LUZP2: variants seen among roughly 807,000 people sequenced by gnomAD.
LUZP2 encodes leucine zipper protein 2.
In LUZP2, 52 loss-of-function variants were observed where a neutral mutation model predicts 51.6. The ratio of observed to expected loss-of-function variants is 1.01; its 90% CI spans 0.81 to 1.27. The LOEUF (loss-of-function observed/expected upper bound fraction) is 1.27, where lower values mean the gene tolerates loss of function less well. Among genes scored for constraint, LUZP2 ranks in the 50% most tolerant of loss-of-function variants. The pLI is 0.00. For missense variants in LUZP2, 436 were observed against 395.4 expected, an observed-to-expected ratio of 1.10 and a Z score of -0.87; for synonymous variants, 154 against 137.3, an observed-to-expected ratio of 1.12 and a Z score of -0.85.
intron 1 of LUZP2, among the ~76,000 whole-genome samples, chr11:24,568,308 C>T (rs1346970922): frequency 1.5e-5 from 2 of 134,620 alleles, no homozygotes; most frequent in Admixed American, 1.6e-4. Context: ...TGCAGTAAGT[C>T]AAGATTGTGC....
At chr11:25,040,712 C>A (rs940181030) in intron 9 of LUZP2, among the ~76,000 whole-genome samples, 1 of 152,082 alleles carries the variant, frequency 6.6e-6, no homozygotes, top group Admixed American at 6.6e-5. Context: ...CCTTAATGCT[C>A]AATGTGATGA....
chr11:24,693,693 T>C (rs986912132), intron 1 of LUZP2, among the ~76,000 whole-genome samples: 12 of 151,998 alleles, frequency 7.9e-5, no homozygotes, highest in African/African-American at 2.4e-4. Context: ...GCTTAGACTT[T>C]AGTGGAGTAT....
intron 4 of LUZP2, among the ~76,000 whole-genome samples, chr11:24,758,892 G>T (rs993020824): frequency 1.3e-5 from 2 of 151,764 alleles, no homozygotes; most frequent in African/African-American, 4.8e-5. Context: ...ATTGAAAAAA[G>T]ATGATCTTCC....
intron 1 of LUZP2, among the ~76,000 whole-genome samples, chr11:24,616,216 C>G (rs1854280783): frequency 6.6e-6 from 1 of 151,942 alleles, no homozygotes; most frequent in Non-Finnish European, 1.5e-5. Context: ...TGAAAGAGAA[C>G]TTACCATTTT....
Position 25,076,172 on chromosome 11 carries a change from C to G in LUZP2, c.859-1157C>G, listed in dbSNP as rs557393401. On this transcript the variant is annotated intron_variant, in intron 10 of 11. Transcript: ENST00000336930. ...TAGCTGGGACCACAGGCATGTGCCA[C>G]CACACCCAGCTGCTTTTGTTTTTGT... 3.3e-5 allele frequency among the ~76,000 whole-genome samples: 5 copies of G among 152,156 alleles called. No individual in the cohort carries two copies. The South Asian group carries it at 1.0e-3, about 32-fold the overall frequency.
intron 4 of LUZP2, among the ~76,000 whole-genome samples, chr11:24,758,189 C>G (rs528596515): frequency 1.8e-3 from 278 of 152,110 alleles, no homozygotes; most frequent in African/African-American, 6.4e-3. Context: ...AAATACACAT[C>G]ATGATCAATG....
rs1391126616 is a variant in LUZP2, at chr11:25,065,993, C to T, written c.859-11336C>T. On this transcript the variant is annotated intron_variant, in intron 10 of 11. Coordinates refer to ENST00000336930, the MANE Select transcript of LUZP2 (RefSeq NM_001009909.4). Reference sequence around the variant, plus strand: ...GCCTCTGCACTTATCATGCTTAGCACACAAATAGTAAGAGGAACAACAATG... The same window carrying T: ...GCCTCTGCACTTATCATGCTTAGCATACAAATAGTAAGAGGAACAACAATG... Among the ~76,000 whole-genome samples, 4 of 151,972 alleles carry T rather than the reference C, an allele frequency of 2.6e-5. 1 individual carries two copies. Among genetic ancestry groups the T allele is most frequent in the Admixed American group, 2.6e-4 (4 of 15,208 alleles).
At chr11:25,022,990 G>A (rs753122191) in intron 9 of LUZP2, among the ~76,000 whole-genome samples, 4 of 152,116 alleles carry the variant, frequency 2.6e-5, no homozygotes, top group Non-Finnish European at 5.9e-5. Context: ...TGCATCCCAG[G>A]GATGAAGCCC....
At chr11:24,568,707 T>C (rs979900175) in intron 1 of LUZP2, among the ~76,000 whole-genome samples, 1 of 152,030 alleles carries the variant, frequency 6.6e-6, no homozygotes, top group African/African-American at 2.4e-5. Flanking sequence ...TCTAAGTTAT[T>C]ATGCAAATGT....
chr11:24,896,407 T>C (rs1459341152), intron 5 of LUZP2, among the ~76,000 whole-genome samples: 5 of 152,064 alleles, frequency 3.3e-5, no homozygotes, highest in African/African-American at 1.2e-4. Context: ...CGATGCCAGC[T>C]CCAGGCAGTG....
intron 5 of LUZP2, among the ~76,000 whole-genome samples, chr11:24,840,864 A>G (rs1016375303): frequency 6.6e-6 from 1 of 152,008 alleles, no homozygotes; most frequent in African/African-American, 2.4e-5. Context: ...CCACAAATTT[A>G]CCATCCAAAA....
chr11:24,844,170 T>C (rs1004268530), intron 5 of LUZP2, among the ~76,000 whole-genome samples: 3 of 152,184 alleles, frequency 2.0e-5, no homozygotes, highest in Non-Finnish European at 4.4e-5. Context: ...ACTTGTTGAA[T>C]GGTTTTGCCC....
intron 5 of LUZP2, among the ~76,000 whole-genome samples, chr11:24,797,986 G>A: frequency 6.6e-6 from 1 of 152,068 alleles, no homozygotes; most frequent in East Asian, 1.9e-4. Context: ...CAAAGTAAAA[G>A]GAGCTGAGAA....
chr11:25,012,595 T>A lies in LUZP2; in HGVS notation c.765+29302T>A, dbSNP rs192855544. The stretch of plus-strand genomic sequence containing the variant: ...CATGCCCTTAGTCTTATTAAGCTTT[T>A]ATTTCCACTGCATTATGAAAAAAAT... On this transcript the variant is annotated intron_variant, in intron 9 of 11. Transcript: ENST00000336930. Among the ~76,000 whole-genome samples, 343 of 152,302 alleles carry A rather than the reference T, an allele frequency of 2.3e-3. 1 individual carries two copies. Among genetic ancestry groups the A allele is most frequent in the African/African-American group, 7.9e-3 (330 of 41,572 alleles).
At chr11:24,979,468 G>C (rs1292429104) in intron 8 of LUZP2, among the ~76,000 whole-genome samples, 1 of 151,728 alleles carries the variant, frequency 6.6e-6, no homozygotes, top group Non-Finnish European at 1.5e-5. Context: ...AATACTATTT[G>C]AGTATTTAGT....
At chr11:24,580,489 A>G (rs1357039975) in intron 1 of LUZP2, among the ~76,000 whole-genome samples, 3 of 152,158 alleles carry the variant, frequency 2.0e-5, no homozygotes, top group Non-Finnish European at 4.4e-5. Context: ...AGCACCTAGC[A>G]TAGCGTCAAC....
At position 24,706,767 on chromosome 11, in the gene LUZP2, A is replaced by G. The variant is rs965832817; in HGVS notation, c.63-22402A>G. On this transcript the variant is annotated intron_variant, in intron 1 of 11. Transcript: ENST00000336930. The stretch of plus-strand genomic sequence containing the variant: ...ATGTTCCAAGTTTCTTTTCATTAAT[A>G]TCTGGTTTTTCACCATTTGCTGAGT... Among the ~76,000 whole-genome samples the G allele has an allele frequency of 7.9e-5, 12 of 152,160 alleles. 1 individual carries two copies. The highest frequency in any genetic ancestry group is 1.5e-4 in the Non-Finnish European group (10 of 68,026).
At chr11:24,842,122 G>A (rs1018580225) in intron 5 of LUZP2, among the ~76,000 whole-genome samples, 4 of 150,154 alleles carry the variant, frequency 2.7e-5, no homozygotes, top group Non-Finnish European at 5.9e-5. Context: ...TAAAAGTTGT[G>A]GCAATATATT....
At chr11:24,839,247 T>C (rs1850952417) in intron 5 of LUZP2, among the ~76,000 whole-genome samples, 1 of 151,682 alleles carries the variant, frequency 6.6e-6, no homozygotes. Context: ...TGTATTTCCC[T>C]ACCCATGGAA....
Sources: allele counts gnomAD v4.1 joint callset (sites outside exome capture counted in the v4.1 genomes callset), GRCh38; gene constraint gnomAD v4.1.1; transcripts MANE v1.5; gene names NCBI Gene and HGNC (gene_info 2026-07-23, HGNC 2026-07-21).